CTNNA2: variants seen among roughly 807,000 people sequenced by gnomAD.
CTNNA2 encodes the protein catenin alpha 2, also known as catenin alpha-2.
CTNNA2 carries 42 observed loss-of-function variants against 101.0 expected under a neutral mutation model. The observed-to-expected ratio is 0.42, with a 90% CI of 0.32 to 0.54. CTNNA2 has a LOEUF of 0.54. CTNNA2 is among the 20% of genes least tolerant of loss of function. The pLI, the probability that CTNNA2 is intolerant of heterozygous loss-of-function variation, is 0.14. For synonymous variants in CTNNA2, 450 were observed against 456.4 expected, an observed-to-expected ratio of 0.99 and a Z score of 0.18; for missense variants, 871 against 1,223.1, an observed-to-expected ratio of 0.71 and a Z score of 4.29.
chr2:79,480,739 C>T (rs552228564), intron 4 of CTNNA2, among the ~76,000 whole-genome samples: 117 of 152,232 alleles, frequency 7.7e-4, no homozygotes, highest in African/African-American at 2.6e-3. Context: ...TCTGGTACTT[C>T]GATTTTTTTC....
At chr2:79,621,392 C>T (rs1021633898) in intron 1 of CTNNA2, among the ~76,000 whole-genome samples, 3 of 152,134 alleles carry the variant, frequency 2.0e-5, no homozygotes, top group African/African-American at 7.2e-5. Flanking sequence ...CAACCTAGAA[C>T]ATCTTGTACT....
chr2:80,347,838 C>CTTTTTTT (rs778989197), intron 7 of CTNNA2, among the ~76,000 whole-genome samples: 8 of 146,784 alleles, frequency 5.5e-5, no homozygotes, highest in South Asian at 2.1e-4. Context: ...TTTTTCTTTT[C>CTTTTTTT]TTTTCTTTTT....
upstream of CTNNA2, among the ~76,000 whole-genome samples, chr2:79,510,735 T>C (rs993561936): frequency 6.6e-6 from 1 of 152,154 alleles, no homozygotes; most frequent in African/African-American, 2.4e-5. Context: ...TTTATGCTGG[T>C]TTTTTAATAA....
At chr2:80,159,960 AT>A (rs34587582) in intron 7 of CTNNA2, among the ~76,000 whole-genome samples, 19,270 of 152,046 alleles carry the variant, frequency 0.13, 3,004 homozygotes, top group African/African-American at 0.37. Context: ...ACATTTTTCC[AT>A]TTTGCATTTG....
At chr2:79,666,759 A>T (rs1254309762) in intron 2 of CTNNA2, among the ~76,000 whole-genome samples, 1 of 152,224 alleles carries the variant, frequency 6.6e-6, no homozygotes, top group Non-Finnish European at 1.5e-5. Flanking sequence ...AGTAAGAAAT[A>T]CTTGATAATA....
intron 5 of CTNNA2, among the ~76,000 whole-genome samples, chr2:79,872,004 G>A (rs955199037): frequency 1.3e-5 from 2 of 152,128 alleles, no homozygotes; most frequent in African/African-American, 2.4e-5. Context: ...AGAAGGAAAG[G>A]GGAAAAACAC....
Position 79,288,121 on chromosome 2 carries a change from G to A in CTNNA2, c.-405-24588G>A, listed in dbSNP as rs149825304. ...CTGCTTCACCTCGCGCATGGTGCGCGCACCCACTGACCTGTGCCCACTGTC... is the reference window on the plus strand; with the variant it reads ...CTGCTTCACCTCGCGCATGGTGCGCACACCCACTGACCTGTGCCCACTGTC... On this transcript the variant is annotated intron_variant, in intron 2 of 21. Coordinates refer to the CTNNA2 transcript ENST00000466387. 6.0e-3 allele frequency among the ~76,000 whole-genome samples: 908 copies of A among 152,264 alleles called. 12 individuals are homozygous for A. Among genetic ancestry groups the A allele is most frequent in the African/African-American group, 0.019 (795 of 41,562 alleles).
chr2:79,495,097 C>T (rs1399313931), intron 4 of CTNNA2, among the ~76,000 whole-genome samples: 1 of 151,946 alleles, frequency 6.6e-6, no homozygotes, highest in African/African-American at 2.4e-5. Flanking sequence ...AGCAAAACTC[C>T]GTCTCGAAAC....
At chr2:80,538,347 T>C (rs985534381) in intron 9 of CTNNA2, among the ~76,000 whole-genome samples, 1 of 152,354 alleles carries the variant, frequency 6.6e-6, no homozygotes, top group East Asian at 1.9e-4. Flanking sequence ...CTAGGGTTTT[T>C]ATGGTTTTGG....
chr2:80,144,388 A>G (rs1703199783), intron 7 of CTNNA2, among the ~76,000 whole-genome samples: 1 of 152,236 alleles, frequency 6.6e-6, no homozygotes, highest in African/African-American at 2.4e-5. Flanking sequence ...ATTAGTTAAG[A>G]TCTGAACCCG....
At chr2:80,349,675 T>C (rs539259809) in intron 7 of CTNNA2, among the ~76,000 whole-genome samples, 20 of 152,272 alleles carry the variant, frequency 1.3e-4, no homozygotes, top group Non-Finnish European at 2.4e-4. Flanking sequence ...CCCTTTCTTC[T>C]GTTCATTTTA....
intron 9 of CTNNA2, among the ~76,000 whole-genome samples, chr2:80,457,187 C>A (rs1479394982): frequency 6.6e-6 from 1 of 151,896 alleles, no homozygotes; most frequent in Non-Finnish European, 1.5e-5. Flanking sequence ...CCTCAGCCTC[C>A]CGAGTAGCTG....
intron 15 of CTNNA2, among the ~76,000 whole-genome samples, chr2:80,591,460 T>TTTTTTTTTTTTG (rs746876788): frequency 9.0e-6 from 1 of 110,724 alleles, no homozygotes; most frequent in African/African-American, 4.7e-5. Flanking sequence ...ACAGCCTGTT[T>TTTTTTTTTTTTG]TTTTTTTTTT....
intron 7 of CTNNA2, among the ~76,000 whole-genome samples, chr2:79,950,147 A>T (rs1306928679): frequency 1.3e-5 from 2 of 152,004 alleles, no homozygotes; most frequent in Non-Finnish European, 2.9e-5. Context: ...TTGTGAAAAA[A>T]AAAAACCATA....
rs141915874 is a variant in CTNNA2, at chr2:79,784,744, T to C, written c.298+40162T>C. On this transcript the variant is annotated intron_variant, in intron 3 of 18. Transcript: ENST00000402739. ...AATATATTCAATTGATGGCATATCA[T>C]GTAGCAGAGAATGAAATATATATAT... 2.2e-5 allele frequency among the ~76,000 whole-genome samples: 3 copies of C among 135,534 alleles called. No individual in the cohort carries two copies. The East Asian group carries it at 7.0e-4, about 31-fold the overall frequency. The allele number at this position is 135,534 out of a possible 152,430, so 88.9% of individuals were successfully genotyped here.
At chr2:80,603,840 A>G (rs1697767093) in intron 15 of CTNNA2, 2 of 486,652 alleles carry the variant, frequency 4.1e-6, no homozygotes, top group African/African-American at 3.9e-5. Context: ...TTAGAAATAT[A>G]GAACTTAATG....
At chr2:80,214,877 C>T (rs141957801) in intron 7 of CTNNA2, among the ~76,000 whole-genome samples, 2 of 152,282 alleles carry the variant, frequency 1.3e-5, no homozygotes, top group Admixed American at 6.5e-5. Context: ...CCATTATCCC[C>T]GTCATTTTCA....
chr2:79,454,101 C>T (rs558464739), intron 4 of CTNNA2, among the ~76,000 whole-genome samples: 2 of 152,026 alleles, frequency 1.3e-5, no homozygotes, highest in Non-Finnish European at 2.9e-5. Flanking sequence ...TAGACATGAC[C>T]GAAAGGATTC....
At chr2:80,593,351 G>T (rs575060278) in intron 15 of CTNNA2, among the ~76,000 whole-genome samples, 32 of 150,690 alleles carry the variant, frequency 2.1e-4, no homozygotes, top group African/African-American at 7.1e-4. Context: ...TTGTTTTTTT[G>T]TTTGTTTGTT....
Sources: gnomAD v4.1 joint callset for allele counts (sites outside exome capture counted in the v4.1 genomes callset) on GRCh38, gnomAD v4.1.1 for gene constraint, MANE v1.5 for transcripts, NCBI Gene and HGNC (gene_info 2026-07-23, HGNC 2026-07-21) for gene names.